Variants in ADGRV1 observed in about 807,000 individuals in gnomAD.
The protein encoded by ADGRV1 is adhesion G protein-coupled receptor V1, also known as G-protein coupled receptor 98.
ADGRV1 carries 359 observed loss-of-function variants against 596.2 expected under a neutral mutation model. The ratio of observed to expected loss-of-function variants is 0.60; its 90% CI spans 0.55 to 0.66. The LOEUF (loss-of-function observed/expected upper bound fraction) is 0.66, where lower values mean the gene tolerates loss of function less well. ADGRV1 is among the 30% of genes least tolerant of loss of function. The probability of loss-of-function intolerance (pLI) is 0.00; values close to 1 mark genes in which losing one functional copy is unlikely to be tolerated. For synonymous variants in ADGRV1, 2,681 were observed against 2,679.2 expected, an observed-to-expected ratio of 1.00 and a Z score of -0.02; for missense variants, 7,274 against 7,575.6, an observed-to-expected ratio of 0.96 and a Z score of 1.48.
chr5:90,977,130 G>A (rs999613682), intron 84 of ADGRV1, among the ~76,000 whole-genome samples: 2 of 151,966 alleles, frequency 1.3e-5, no homozygotes, highest in African/African-American at 2.4e-5. Context: ...TAATTTTGGG[G>A]GACATCAAAG....
chr5:90,928,150 C>G (rs1774725853), intron 83 of ADGRV1, among the ~76,000 whole-genome samples: 1 of 152,092 alleles, frequency 6.6e-6, no homozygotes. Flanking sequence ...GTGGCATTCT[C>G]TGTATTTCCT....
chr5:90,861,786 G>A (rs1228926525), intron 82 of ADGRV1, among the ~76,000 whole-genome samples: 1 of 152,072 alleles, frequency 6.6e-6, no homozygotes, highest in African/African-American at 2.4e-5. Context: ...TAAAAGATAA[G>A]TATTTAGTAT....
At chr5:90,666,557 A>ACT (rs1444200415) in intron 21 of ADGRV1, among the ~76,000 whole-genome samples, 1 of 90,012 alleles carries the variant, frequency 1.1e-5, no homozygotes, top group Admixed American at 1.4e-4. Context: ...ATGGGTCTTG[A>ACT]CTATCCAATT....
intron 10 of ADGRV1, 145 bp downstream of exon 10, chr5:90,635,435 A>G: frequency 3.0e-6 from 2 of 666,094 alleles, no homozygotes; most frequent in Non-Finnish European, 5.0e-6. Flanking sequence ...CATTTGAAAT[A>G]GGTAACTGAT....
chr5:90,971,457 T>C (rs1301825061), intron 84 of ADGRV1, among the ~76,000 whole-genome samples: 4 of 152,164 alleles, frequency 2.6e-5, no homozygotes, highest in Non-Finnish European at 4.4e-5. Context: ...GAGAGAAAGG[T>C]TGGGTTACCC....
chr5:90,703,887 A>G (rs1748238755), intron 35 of ADGRV1, 92 bp downstream of exon 35: 2 of 885,994 alleles, frequency 2.3e-6, no homozygotes, highest in Admixed American at 6.2e-5. Context: ...TATTGTAGTT[A>G]TTATCTTTCT....
chr5:90,969,952 G>T (rs1007659987), intron 84 of ADGRV1, among the ~76,000 whole-genome samples: 3 of 152,240 alleles, frequency 2.0e-5, no homozygotes, highest in African/African-American at 7.2e-5. Context: ...AAGTGCAAGC[G>T]ATCAGGGAAT....
At chr5:90,592,340 T>C (rs775898004) in intron 1 of ADGRV1, among the ~76,000 whole-genome samples, 12 of 152,236 alleles carry the variant, frequency 7.9e-5, no homozygotes, top group Non-Finnish European at 1.5e-4. Context: ...AGACCATTAT[T>C]CTAAGAGAAG....
chr5:90,856,911 A>G (rs888234187), intron 82 of ADGRV1, among the ~76,000 whole-genome samples: 2 of 152,162 alleles, frequency 1.3e-5, no homozygotes, highest in Non-Finnish European at 2.9e-5. Flanking sequence ...TATTGAATGC[A>G]TATCTCTTGT....
chr5:91,080,965 T>G (rs1789308225), intron 86 of ADGRV1, among the ~76,000 whole-genome samples: 1 of 152,152 alleles, frequency 6.6e-6, no homozygotes, highest in African/African-American at 2.4e-5. Context: ...TTCCCCTCCC[T>G]TTCTTCATGA....
At chr5:90,952,930 C>T (rs10052314) in intron 83 of ADGRV1, among the ~76,000 whole-genome samples, 18,372 of 151,906 alleles carry the variant, frequency 0.12, 1,116 homozygotes, top group East Asian at 0.18. Context: ...TTTGTCAGTG[C>T]GAGAATATAA....
intron 81 of ADGRV1, among the ~76,000 whole-genome samples, 195 bp downstream of exon 81, chr5:90,854,396 T>C (rs1252596476): frequency 6.6e-6 from 1 of 152,174 alleles, no homozygotes; most frequent in Non-Finnish European, 1.5e-5. Context: ...AGCCCAGCAT[T>C]TCAATATGTG....
chr5:90,909,590 G>GGAATACTAAAAACTTTGTGA (rs70973714), intron 83 of ADGRV1, among the ~76,000 whole-genome samples: 33,295 of 151,408 alleles, frequency 0.22, 4,263 homozygotes, highest in Non-Finnish European at 0.3. Flanking sequence ...TTCATTTGTG[G>GGAATACTAAAAACTTTGTGA]GAATACTAAA....
intron 72 of ADGRV1, among the ~76,000 whole-genome samples, 187 bp downstream of exon 72, chr5:90,805,645 A>G (rs1215393525): frequency 6.6e-6 from 1 of 152,160 alleles, no homozygotes; most frequent in East Asian, 1.9e-4. Flanking sequence ...TTTTCAGTCA[A>G]ATTAACAACT....
At chr5:90,938,169 C>T (rs149059181) in intron 83 of ADGRV1, among the ~76,000 whole-genome samples, 1 of 152,090 alleles carries the variant, frequency 6.6e-6, no homozygotes, top group East Asian at 1.9e-4. Flanking sequence ...AACTGAGAGT[C>T]CCAAACAGCC....
At chr5:90,679,027 C>G (rs974530388) in intron 25 of ADGRV1, among the ~76,000 whole-genome samples, 7 of 152,124 alleles carry the variant, frequency 4.6e-5, no homozygotes, top group Non-Finnish European at 8.8e-5. Context: ...GTCTAGGACT[C>G]TTTCCACAAT....
At chr5:90,841,323 C>T (rs1264100003) in intron 78 of ADGRV1, among the ~76,000 whole-genome samples, 1 of 152,100 alleles carries the variant, frequency 6.6e-6, no homozygotes, top group East Asian at 1.9e-4. Flanking sequence ...TAGTTTGAGC[C>T]TCAGTTTTTT....
chr5:91,035,861 T>TATATATATAATA, intron 85 of ADGRV1, among the ~76,000 whole-genome samples: 33 of 96,400 alleles, frequency 3.4e-4, no homozygotes, highest in African/African-American at 1.2e-3. Context: ...TATATATATA[T>TATATATATAATA]TATATATATA....
chr5:91,026,851 T>A (rs1190014739), intron 85 of ADGRV1, among the ~76,000 whole-genome samples: 1 of 152,050 alleles, frequency 6.6e-6, no homozygotes, highest in Non-Finnish European at 1.5e-5. Context: ...TAGTCCTTGC[T>A]GTCTAACTAG....
Sources: allele counts gnomAD v4.1 joint callset (sites outside exome capture counted in the v4.1 genomes callset), GRCh38; gene constraint gnomAD v4.1.1; transcripts MANE v1.5; gene names NCBI Gene and HGNC (gene_info 2026-07-23, HGNC 2026-07-21).